UNC5D: variants seen among roughly 807,000 people sequenced by gnomAD.
The protein encoded by UNC5D is netrin receptor UNC5D.
Under a neutral mutation model 105.4 loss-of-function variants are expected in UNC5D, and 39 were observed. That is an observed-to-expected ratio of 0.37 (90% CI 0.29 to 0.48). UNC5D has a LOEUF of 0.48. Among genes scored for constraint, UNC5D ranks in the 20% least tolerant of loss-of-function variants. The pLI, the probability that UNC5D is intolerant of heterozygous loss-of-function variation, is 0.98. For synonymous variants in UNC5D, 452 were observed against 450.4 expected, an observed-to-expected ratio of 1.00 and a Z score of -0.04; for missense variants, 991 against 1,202.4, an observed-to-expected ratio of 0.82 and a Z score of 2.60.
At chr8:35,495,375 C>T (rs1488427337) in intron 1 of UNC5D, among the ~76,000 whole-genome samples, 2 of 149,592 alleles carry the variant, frequency 1.3e-5, no homozygotes, top group African/African-American at 5.0e-5. Context: ...CTTTTAGCTT[C>T]CCTGGGCCAC....
Position 35,759,313 on chromosome 8 carries a change from C to T in UNC5D, c.2164-7C>T. The T allele has an allele frequency of 1.9e-6, 3 of 1,611,444 alleles. No individual in the cohort carries two copies. The highest frequency in any genetic ancestry group is 1.7e-5 in the Admixed American group (1 of 59,262). The stretch of plus-strand genomic sequence containing the variant: ...ATTGATCTTATTTTCTTTTTCTTCT[C>T]CTATAGGAAGTGGTTTCAGATGAAA... On this transcript the variant is annotated splice_polypyrimidine_tract_variant and splice_region_variant and intron_variant, in intron 13 of 16. Coordinates refer to ENST00000404895, the MANE Select transcript of UNC5D (RefSeq NM_080872.4).
intron 16 of UNC5D, among the ~76,000 whole-genome samples, chr8:35,788,289 C>T (rs776262719): frequency 2.6e-5 from 4 of 152,032 alleles, no homozygotes; most frequent in African/African-American, 7.2e-5. Flanking sequence ...CTACATCAGT[C>T]GTCTTTGTGA....
intron 9 of UNC5D, among the ~76,000 whole-genome samples, chr8:35,725,214 T>G (rs1370298566): frequency 6.6e-6 from 1 of 152,178 alleles, no homozygotes; most frequent in Admixed American, 6.5e-5. Context: ...TTAATATGGT[T>G]TGGGTTTCAA....
chr8:35,545,603 G>A (rs1815602257), intron 1 of UNC5D, among the ~76,000 whole-genome samples: 1 of 151,782 alleles, frequency 6.6e-6, no homozygotes, highest in African/African-American at 2.4e-5. Context: ...GGCAGGGCGG[G>A]CTACAGGGAT....
chr8:35,685,776 C>T (rs1387490277), intron 6 of UNC5D, among the ~76,000 whole-genome samples: 1 of 152,172 alleles, frequency 6.6e-6, no homozygotes, highest in Non-Finnish European at 1.5e-5. Flanking sequence ...AGATCCAAGA[C>T]AAGGACTCAG....
At chr8:35,711,282 C>T (rs58638685) in intron 8 of UNC5D, among the ~76,000 whole-genome samples, 4,319 of 152,048 alleles carry the variant, frequency 0.028, 217 homozygotes, top group African/African-American at 0.098. Context: ...CGGGTTCAAG[C>T]GATTCTCCTG....
chr8:35,386,541 A>G (rs755524697), intron 1 of UNC5D, among the ~76,000 whole-genome samples: 2 of 152,232 alleles, frequency 1.3e-5, no homozygotes, highest in Non-Finnish European at 2.9e-5. Flanking sequence ...AAAAACGTCT[A>G]GCTTGTAATT....
intron 1 of UNC5D, among the ~76,000 whole-genome samples, chr8:35,375,469 A>G (rs765226218): frequency 1.3e-5 from 2 of 152,230 alleles, no homozygotes; most frequent in Non-Finnish European, 2.9e-5. Context: ...CTTTTATCTA[A>G]TAAAAAAGAC....
chr8:35,605,858 T>C (rs1226204693), intron 4 of UNC5D, among the ~76,000 whole-genome samples: 1 of 152,238 alleles, frequency 6.6e-6, no homozygotes. Context: ...ATGGAGCTTT[T>C]CCTGAGACAG....
intron 1 of UNC5D, among the ~76,000 whole-genome samples, chr8:35,347,047 T>C (rs1012925451): frequency 6.6e-6 from 1 of 151,936 alleles, no homozygotes; most frequent in East Asian, 1.9e-4. Context: ...TTGGCAGAAG[T>C]TGAACTAAAA....
intron 1 of UNC5D, among the ~76,000 whole-genome samples, chr8:35,355,436 C>T (rs1452498232): frequency 2.0e-5 from 3 of 152,098 alleles, no homozygotes; most frequent in Non-Finnish European, 2.9e-5. Context: ...TTCATTTTCC[C>T]CCTAGCAGCC....
At chr8:35,424,178 G>GT (rs1806097226) in intron 1 of UNC5D, among the ~76,000 whole-genome samples, 1 of 152,004 alleles carries the variant, frequency 6.6e-6, no homozygotes, top group East Asian at 1.9e-4. Flanking sequence ...CAATGTATGG[G>GT]AAAGAAAATT....
chr8:35,429,966 G>C (rs894066522), intron 1 of UNC5D, among the ~76,000 whole-genome samples: 2 of 152,086 alleles, frequency 1.3e-5, no homozygotes, highest in African/African-American at 4.8e-5. Context: ...ATGTGATATT[G>C]TGAAATATAT....
chr8:35,435,497 G>C (rs989848154), intron 1 of UNC5D, among the ~76,000 whole-genome samples: 2 of 152,078 alleles, frequency 1.3e-5, no homozygotes, highest in African/African-American at 4.8e-5. Context: ...GACATTGGAA[G>C]TTGTATTCAA....
At chr8:35,753,279 T>C (rs996093615) in intron 13 of UNC5D, among the ~76,000 whole-genome samples, 3 of 151,326 alleles carry the variant, frequency 2.0e-5, no homozygotes, top group Non-Finnish European at 4.4e-5. Flanking sequence ...TCTTTTTTTT[T>C]GTTTTTTGAG....
chr8:35,622,834 CTGT>C (rs1161783865), intron 4 of UNC5D, among the ~76,000 whole-genome samples: 1 of 152,160 alleles, frequency 6.6e-6, no homozygotes, highest in African/African-American at 2.4e-5. Context: ...TTTGGTCAAA[CTGT>C]TTACCTATCC....
At chr8:35,295,132 G>A (rs770313683) in intron 1 of UNC5D, among the ~76,000 whole-genome samples, 3 of 152,124 alleles carry the variant, frequency 2.0e-5, no homozygotes, top group Non-Finnish European at 4.4e-5. Flanking sequence ...TTAAATTTAT[G>A]CAGTTATGAT....
At chr8:35,620,082 A>T (rs1433841758) in intron 4 of UNC5D, among the ~76,000 whole-genome samples, 1 of 152,146 alleles carries the variant, frequency 6.6e-6, no homozygotes, top group Non-Finnish European at 1.5e-5. Context: ...GGGGTCAAAG[A>T]TCTTCATGTC....
rs1406390309 is a variant in UNC5D at position 35,790,853 on chromosome 8, G to A, written c.*290G>A. 12 of 437,248 alleles carry A rather than the reference G, an allele frequency of 2.7e-5. No homozygotes were observed. Among genetic ancestry groups the A allele is most frequent in the Non-Finnish European group, 4.6e-5 (11 of 240,534 alleles). The allele number at this position is 437,248 out of a possible 1,614,324, so 27.1% of individuals were successfully genotyped here. A position where few individuals can be genotyped will look rare whatever the true frequency, so the allele number is the denominator to read the frequency against. ...TAAAAGTGAGGGCAGAAGTAGCTGTGGGAAAAGATGAGCTATGATAATGCT... is the reference window on the plus strand; with the variant it reads ...TAAAAGTGAGGGCAGAAGTAGCTGTAGGAAAAGATGAGCTATGATAATGCT... On this transcript the variant is annotated 3_prime_UTR_variant, in exon 17 of 17. Coordinates refer to ENST00000404895, the MANE Select transcript of UNC5D (RefSeq NM_080872.4).
Sources: allele counts gnomAD v4.1 joint callset (sites outside exome capture counted in the v4.1 genomes callset), GRCh38; gene constraint gnomAD v4.1.1; transcripts MANE v1.5; gene names NCBI Gene and HGNC (gene_info 2026-07-23, HGNC 2026-07-21).